BMPR2: variants seen among roughly 807,000 people sequenced by gnomAD.
The protein encoded by BMPR2 is bone morphogenetic protein receptor type-2.
A neutral mutation model predicts 100.8 loss-of-function variants in BMPR2; 29 were observed. That is an observed-to-expected ratio of 0.29 (90% CI 0.21 to 0.39). The LOEUF is 0.39. Among genes scored for constraint, BMPR2 ranks in the 10% least tolerant of loss-of-function variants. The pLI is 1.00. For synonymous variants in BMPR2, 382 were observed against 442.3 expected (o/e 0.86, Z 1.71); for missense variants, 1,011 against 1,274.5 (o/e 0.79, Z 3.15).
chr2:202,497,275 C>T (rs541092967), intron 3 of BMPR2, among the ~76,000 whole-genome samples: 7 of 152,366 alleles, frequency 4.6e-5, no homozygotes, highest in East Asian at 1.9e-4. Flanking sequence ...CATTGCCAAG[C>T]GGTGAGACAA....
intron 7 of BMPR2, among the ~76,000 whole-genome samples, chr2:202,526,344 A>G (rs995180369): frequency 9.2e-5 from 14 of 152,188 alleles, no homozygotes; most frequent in African/African-American, 3.4e-4. Context: ...TCTCTCTGAC[A>G]TCTTTAGTGA....
chr2:202,396,890 CG>C (rs1309034075), intron 1 of BMPR2, among the ~76,000 whole-genome samples: 1 of 151,872 alleles, frequency 6.6e-6, no homozygotes, highest in African/African-American at 2.4e-5. Context: ...CTCTGCCTCC[CG>C]GGTTCAAGCA....
At chr2:202,456,198 G>T (rs2105951929) in intron 1 of BMPR2, among the ~76,000 whole-genome samples, 1 of 150,070 alleles carries the variant, frequency 6.7e-6, no homozygotes, top group South Asian at 2.1e-4. Flanking sequence ...TTGAGATGAA[G>T]TCTTGCCGTG....
intron 1 of BMPR2, among the ~76,000 whole-genome samples, chr2:202,389,123 G>A (rs560121009): frequency 2.6e-5 from 4 of 152,178 alleles, no homozygotes; most frequent in Middle Eastern, 3.4e-3. Context: ...TACTTGGGAG[G>A]CTGAGGTGGG....
intron 1 of BMPR2, among the ~76,000 whole-genome samples, chr2:202,451,944 C>G (rs982687029): frequency 6.6e-6 from 1 of 151,816 alleles, no homozygotes; most frequent in Non-Finnish European, 1.5e-5. Context: ...AGTAGAGATG[C>G]GGTTTCTCCA....
intron 1 of BMPR2, among the ~76,000 whole-genome samples, chr2:202,385,361 CTTT>C (rs1161944548): frequency 8.8e-4 from 76 of 86,312 alleles, no homozygotes; most frequent in Non-Finnish European, 1.5e-3. Context: ...AAAAAAGATG[CTTT>C]TTTTTTTTTT....
intron 12 of BMPR2, among the ~76,000 whole-genome samples, chr2:202,557,227 G>T (rs1688591056): frequency 6.6e-6 from 1 of 152,082 alleles, no homozygotes. Flanking sequence ...ACTTTGGGAG[G>T]CTGAGGCAGG....
At chr2:202,517,168 T>C (rs1301120873) in intron 5 of BMPR2, among the ~76,000 whole-genome samples, 3 of 150,566 alleles carry the variant, frequency 2.0e-5, no homozygotes. Flanking sequence ...TGCAGTGAGC[T>C]GAGACCGTGC....
At chr2:202,499,501 A>C (rs542705944) in intron 3 of BMPR2, among the ~76,000 whole-genome samples, 1 of 152,272 alleles carries the variant, frequency 6.6e-6, no homozygotes, top group Non-Finnish European at 1.5e-5. Context: ...TTCTAGAAGG[A>C]CTAAGGAGAA....
At chr2:202,488,111 T>C (rs1692817844) in intron 3 of BMPR2, among the ~76,000 whole-genome samples, 1 of 152,224 alleles carries the variant, frequency 6.6e-6, no homozygotes, top group African/African-American at 2.4e-5. Flanking sequence ...ATACACACTA[T>C]GCATGCAAGC....
chr2:202,401,497 G>A (rs1296159859), intron 1 of BMPR2, among the ~76,000 whole-genome samples: 2 of 152,124 alleles, frequency 1.3e-5, no homozygotes, highest in African/African-American at 4.8e-5. Context: ...TCAGTAGACC[G>A]CATTTACCAA....
intron 3 of BMPR2, among the ~76,000 whole-genome samples, chr2:202,501,538 A>G (rs1461605567): frequency 6.6e-6 from 1 of 152,240 alleles, no homozygotes; most frequent in African/African-American, 2.4e-5. Context: ...CTCGTGGGAC[A>G]ATCCCACAAC....
At chr2:202,518,014 G>A (rs1687747598) in intron 5 of BMPR2, among the ~76,000 whole-genome samples, 1 of 132,008 alleles carries the variant, frequency 7.6e-6, no homozygotes, top group East Asian at 2.2e-4. Context: ...TTTTAGTAGA[G>A]ATGGGGTTTT....
In BMPR2 at chr2:202,563,048, T is replaced by A. The variant is rs1161815555; in HGVS notation, c.*3102T>A. On this transcript the variant is annotated 3_prime_UTR_variant, in exon 13 of 13. Coordinates refer to ENST00000374580, the MANE Select transcript of BMPR2 (RefSeq NM_001204.7). ...TCTAGTAACAGACAAAGCTGGGATT[T>A]CAGTCTATGTCTGCCTCTCTCCACA... 1 of 152,182 alleles carries A rather than the reference T, an allele frequency of 6.6e-6. No individual in the cohort carries two copies. Among genetic ancestry groups the A allele is most frequent in the East Asian group, 1.9e-4 (1 of 5,204 alleles). 9.4% of individuals were successfully genotyped at this position (152,182 alleles called of 1,614,324 possible).
At chr2:202,454,042 A>G (rs1440589330) in intron 1 of BMPR2, among the ~76,000 whole-genome samples, 1 of 152,128 alleles carries the variant, frequency 6.6e-6, no homozygotes, top group Admixed American at 6.6e-5. Context: ...CCATTTTATT[A>G]TTTTATTTCT....
intron 7 of BMPR2, among the ~76,000 whole-genome samples, chr2:202,529,857 T>G (rs1335759129): frequency 6.6e-6 from 1 of 152,228 alleles, no homozygotes; most frequent in Non-Finnish European, 1.5e-5. Flanking sequence ...ATTGACTTTG[T>G]TCTGATTGCT....
chr2:202,393,907 G>C (rs1051150746), intron 1 of BMPR2, among the ~76,000 whole-genome samples: 5 of 148,198 alleles, frequency 3.4e-5, no homozygotes, highest in Admixed American at 3.3e-4. Flanking sequence ...GAGAGAGAGA[G>C]AGAGAGAGAG....
In BMPR2 at chr2:202,532,850, T is replaced by C; in HGVS notation, c.1276+118T>C. On this transcript the variant is annotated intron_variant, in intron 9 of 12. Coordinates refer to ENST00000374580, the MANE Select transcript of BMPR2 (RefSeq NM_001204.7). This position sits in a 1 kb window ranked among gnomAD's most constrained non-coding sequence, Gnocchi z 4.1. ...GAATCTTTTTACTTTCATTTAAACC[T>C]TTAGTTCATTGCTATCTAGTGTTTA... 8.2e-7 allele frequency: 1 copy of C among 1,215,432 alleles called. No homozygotes were observed. The highest frequency in any genetic ancestry group is 1.2e-6 in the Non-Finnish European group (1 of 866,278). 75.3% of individuals were successfully genotyped at this position (1,215,432 alleles called of 1,614,324 possible).
chr2:202,393,931 G>GAGAGAGAGAGAT (rs1367568037), intron 1 of BMPR2, among the ~76,000 whole-genome samples: 3 of 123,768 alleles, frequency 2.4e-5, no homozygotes, highest in Admixed American at 1.6e-4. Flanking sequence ...GAGAGAGAGA[G>GAGAGAGAGAGAT]AGATTCCTGT....
Sources: gnomAD v4.1 joint callset for allele counts (sites outside exome capture counted in the v4.1 genomes callset) on GRCh38, gnomAD v4.1.1 for gene constraint, Gnocchi (gnomAD v3.1) non-coding constraint, MANE v1.5 for transcripts, NCBI Gene and HGNC (gene_info 2026-07-23, HGNC 2026-07-21) for gene names.